The following HS6ST3 variants were observed in gnomAD, a reference collection of about 807,000 sequenced individuals.
HS6ST3 encodes the protein heparan-sulfate 6-O-sulfotransferase 3.
A neutral mutation model predicts 36.7 loss-of-function variants in HS6ST3; 12 were observed. That is an observed-to-expected ratio of 0.33 (90% CI 0.21 to 0.53). The LOEUF (loss-of-function observed/expected upper bound fraction) is 0.53. Among genes scored for constraint, HS6ST3 ranks in the 20% least tolerant of loss-of-function variants. The probability of loss-of-function intolerance (pLI) is 0.95; values close to 1 mark genes in which losing one functional copy is unlikely to be tolerated. For synonymous variants in HS6ST3, 240 were observed against 257.5 expected, an observed-to-expected ratio of 0.93 and a Z score of 0.65; for missense variants, 584 against 640.9, an observed-to-expected ratio of 0.91 and a Z score of 0.96.
intron 1 of HS6ST3, among the ~76,000 whole-genome samples, chr13:96,746,308 A>G (rs185640580): frequency 6.6e-6 from 1 of 152,208 alleles, no homozygotes; most frequent in Non-Finnish European, 1.5e-5. Context: ...ATATGGGAGA[A>G]TTGGATTAAA....
chr13:96,756,803 T>C (rs1450184543), intron 1 of HS6ST3, among the ~76,000 whole-genome samples: 1 of 152,246 alleles, frequency 6.6e-6, no homozygotes, highest in Non-Finnish European at 1.5e-5. Flanking sequence ...TCTATCTATC[T>C]GTCAATCCAA....
chr13:96,098,615 A>G (rs2053803004), intron 1 of HS6ST3, among the ~76,000 whole-genome samples: 1 of 152,162 alleles, frequency 6.6e-6, no homozygotes, highest in Non-Finnish European at 1.5e-5. Context: ...TGAGCCCAGG[A>G]GTTCGAGACC....
chr13:96,382,553 A>G (rs1566344281), intron 1 of HS6ST3, among the ~76,000 whole-genome samples: 1 of 152,212 alleles, frequency 6.6e-6, no homozygotes, highest in Non-Finnish European at 1.5e-5. Flanking sequence ...TTGTTTTTAG[A>G]ATCAAGAATT....
chr13:96,757,633 T>C (rs1474718447), intron 1 of HS6ST3, among the ~76,000 whole-genome samples: 1 of 152,128 alleles, frequency 6.6e-6, no homozygotes, highest in Non-Finnish European at 1.5e-5. Context: ...CATTATCCGA[T>C]TGATGTTTCT....
At chr13:96,166,575 C>CTTTTTTTTTTTTCTTTTTT (rs2054161256) in intron 1 of HS6ST3, among the ~76,000 whole-genome samples, 1 of 131,590 alleles carries the variant, frequency 7.6e-6, no homozygotes, top group African/African-American at 2.8e-5. Context: ...TTCTTTCTTT[C>CTTTTTTTTTTTTCTTTTTT]TTTTTTTTTT....
At position 96,210,851 on chromosome 13, in the gene HS6ST3, C is replaced by T. The variant is rs182460017; in HGVS notation, c.707+119282C>T. ...TCAAGTGATCCGCCTGCTTCGGCCT[C>T]CCAAAGTGCTAGGATTGCAGGCATG... On this transcript the variant is annotated intron_variant, in intron 1 of 1. Transcript: ENST00000376705. 2.3e-4 allele frequency among the ~76,000 whole-genome samples: 35 copies of T among 152,112 alleles called. No homozygotes were observed. In the East Asian group the frequency reaches 6.8e-3, roughly 30 times the overall value.
Position 96,327,821 on chromosome 13 carries a change from G to A in HS6ST3, c.707+236252G>A, listed in dbSNP as rs1209602711. Among the ~76,000 whole-genome samples, 7 of 151,804 alleles carry A rather than the reference G, an allele frequency of 4.6e-5. No individual in the cohort carries two copies. In the East Asian group the frequency reaches 1.4e-3, roughly 29 times the overall value. ...TTCTTCCTACCCATGAGCATGGAAT[G>A]TCCTTCCATTTGTTTGTATCCTCTT... On this transcript the variant is annotated intron_variant, in intron 1 of 1. Transcript: ENST00000376705.
At chr13:96,234,395 C>CA (rs1566296474) in intron 1 of HS6ST3, among the ~76,000 whole-genome samples, 4 of 151,066 alleles carry the variant, frequency 2.6e-5, no homozygotes, top group South Asian at 4.2e-4. Context: ...GACTCTGTCT[C>CA]AAAAAAAACC....
intron 1 of HS6ST3, among the ~76,000 whole-genome samples, chr13:96,555,145 G>T (rs767249473): frequency 2.0e-5 from 3 of 151,986 alleles, no homozygotes; most frequent in Non-Finnish European, 4.4e-5. Context: ...AAAGTGGGAT[G>T]CTGTATGCTT....
At chr13:96,278,839 C>T (rs559315059) in intron 1 of HS6ST3, among the ~76,000 whole-genome samples, 7 of 152,258 alleles carry the variant, frequency 4.6e-5, no homozygotes, top group Admixed American at 6.5e-5. Flanking sequence ...TCAATTAACT[C>T]ATGAGTTTTG....
At chr13:96,571,232 T>C (rs910933428) in intron 1 of HS6ST3, among the ~76,000 whole-genome samples, 2 of 152,230 alleles carry the variant, frequency 1.3e-5, no homozygotes, top group Non-Finnish European at 2.9e-5. Context: ...TATTGATCAG[T>C]TATTTGTTGG....
intron 1 of HS6ST3, among the ~76,000 whole-genome samples, chr13:96,307,656 T>C (rs2054920388): frequency 6.6e-6 from 1 of 152,138 alleles, no homozygotes; most frequent in African/African-American, 2.4e-5. Context: ...TCTTCTTAAA[T>C]GGGCAGTAAA....
intron 1 of HS6ST3, among the ~76,000 whole-genome samples, chr13:96,391,614 A>G (rs1481366299): frequency 6.6e-6 from 1 of 152,214 alleles, no homozygotes; most frequent in African/African-American, 2.4e-5. Context: ...ACAGTTCCAC[A>G]TGGCTGGGGA....
chr13:96,241,793 T>C (rs1399765191), intron 1 of HS6ST3, among the ~76,000 whole-genome samples: 1 of 149,132 alleles, frequency 6.7e-6, no homozygotes, highest in Non-Finnish European at 1.5e-5. Context: ...TTTCTTTTTT[T>C]TTTTTTTTTT....
chr13:96,294,597 A>T (rs895884458), intron 1 of HS6ST3, among the ~76,000 whole-genome samples: 1 of 152,082 alleles, frequency 6.6e-6, no homozygotes. Flanking sequence ...CCAGAGGAGG[A>T]GTTAACTTAA....
At chr13:96,422,628 T>C (rs567289865) in intron 1 of HS6ST3, among the ~76,000 whole-genome samples, 1 of 152,324 alleles carries the variant, frequency 6.6e-6, no homozygotes, top group African/African-American at 2.4e-5. Context: ...ATTTGATGAC[T>C]TCATGTCATG....
chr13:96,694,461 G>T (rs926309507), intron 1 of HS6ST3, among the ~76,000 whole-genome samples: 2 of 152,178 alleles, frequency 1.3e-5, no homozygotes, highest in African/African-American at 4.8e-5. Flanking sequence ...TGTAAAGAGT[G>T]CTGAAATGAA....
intron 1 of HS6ST3, among the ~76,000 whole-genome samples, chr13:96,568,543 C>T (rs1045691612): frequency 2.0e-5 from 3 of 152,172 alleles, no homozygotes; most frequent in African/African-American, 7.2e-5. Context: ...AGGCGTGAGC[C>T]ACCACGCCTG....
intron 1 of HS6ST3, among the ~76,000 whole-genome samples, chr13:96,190,143 C>T (rs1479620023): frequency 6.6e-6 from 1 of 152,202 alleles, no homozygotes; most frequent in African/African-American, 2.4e-5. Flanking sequence ...TTGATAGGAT[C>T]ATATGTATTT....
Sources: allele counts gnomAD v4.1 joint callset (sites outside exome capture counted in the v4.1 genomes callset), GRCh38; gene constraint gnomAD v4.1.1; transcripts MANE v1.5; gene names NCBI Gene and HGNC (gene_info 2026-07-23, HGNC 2026-07-21).